SLC25A30: variants seen among roughly 807,000 people sequenced by gnomAD.
The protein encoded by SLC25A30 is kidney mitochondrial carrier protein 1.
In SLC25A30, 29 loss-of-function variants were observed where a neutral mutation model predicts 42.7. The observed-to-expected ratio is 0.68, with a 90% CI of 0.51 to 0.93. The LOEUF (loss-of-function observed/expected upper bound fraction) is 0.93, where lower values mean the gene tolerates loss of function less well. Among genes scored for constraint, SLC25A30 ranks in the 40% least tolerant of loss-of-function variants. SLC25A30 has a pLI of 0.00. For missense variants in SLC25A30, 300 were observed against 359.7 expected (o/e 0.83, Z 1.34); for synonymous variants, 124 against 131.0 (o/e 0.95, Z 0.37).
chr13:45,406,000 G>T, intron 3 of SLC25A30, 23 bp from the exon 4 acceptor site: 3 of 1,610,482 alleles, frequency 1.9e-6, no homozygotes, highest in Non-Finnish European at 2.5e-6. Context: ...TGTACAAAGG[G>T]ACAAAAGCAA....
chr13:45,427,307 C>T, the SLC25A30 span, among the ~76,000 whole-genome samples: 1 of 152,146 alleles, frequency 6.6e-6, no homozygotes. Context: ...TGCCTAAAGT[C>T]TGGATCCACC....
chr13:45,417,149 A>C (rs1453362018), intron 1 of SLC25A30, among the ~76,000 whole-genome samples: 1 of 152,052 alleles, frequency 6.6e-6, no homozygotes, highest in Non-Finnish European at 1.5e-5. Flanking sequence ...GAGTAGCTAG[A>C]ATTAGACATC....
upstream of SLC25A30, among the ~76,000 whole-genome samples, chr13:45,423,227 C>T (rs1883935416): frequency 6.6e-6 from 1 of 151,852 alleles, no homozygotes; most frequent in Admixed American, 6.6e-5. Context: ...TTGTCTGTCC[C>T]TTCCCATTGA....
the SLC25A30 span, among the ~76,000 whole-genome samples, chr13:45,424,475 ATATATG>A: frequency 2.5e-3 from 179 of 72,216 alleles, 16 homozygotes; most frequent in African/African-American, 9.4e-3. Flanking sequence ...AAATATATAA[ATATATG>A]TATATAAATA....
At chr13:45,419,700 C>T (rs1447547796), upstream of SLC25A30, among the ~76,000 whole-genome samples, 2 of 150,002 alleles carry the variant, frequency 1.3e-5, no homozygotes, top group Admixed American at 6.7e-5. Flanking sequence ...GAGGCCGAGA[C>T]GGGCAGATCA....
rs1566207490 is a variant in SLC25A30, at chr13:45,405,917, C to A, written c.273G>T (p.Gln91His). The change falls in exon 4 of 10, where the codon CAG (glutamine) becomes CAT (histidine). Residue 91 changes from glutamine to histidine, a missense_variant. By Grantham distance (24) the Gln-to-His change is conservative. Transcript: ENST00000519676. ...GTTCAATGAATAGTCGCTTCAAGCT[C>A]TGGTAAGTGCCTATCTTGATGGTGC... The part of the protein sequence containing the change: ...SYGTIKIGTY[Q>H]SLKRLFIERP... 5 of 1,614,086 alleles carry A rather than the reference C, an allele frequency of 3.1e-6. No homozygotes were observed. The highest frequency in any genetic ancestry group is 4.2e-6 in the Non-Finnish European group (5 of 1,180,050).
the SLC25A30 span, among the ~76,000 whole-genome samples, chr13:45,424,410 T>TATATAAACATATAAAA: frequency 1.7e-4 from 11 of 63,386 alleles, no homozygotes; most frequent in African/African-American, 7.2e-4. Context: ...TATATAAAAA[T>TATATAAACATATAAAA]ATATATAAAT....
At chr13:45,408,192 G>A (rs745433920) in intron 3 of SLC25A30, among the ~76,000 whole-genome samples, 1 of 152,156 alleles carries the variant, frequency 6.6e-6, no homozygotes, top group Non-Finnish European at 1.5e-5. Flanking sequence ...TATACTATGT[G>A]AGTGACAGAG....
At chr13:45,424,654 T>TATATAGAAATATATAG in the SLC25A30 span, among the ~76,000 whole-genome samples, 75 of 67,762 alleles carry the variant, frequency 1.1e-3, 7 homozygotes, top group African/African-American at 4.2e-3. Context: ...TAAATATATA[T>TATATAGAAATATATAG]AAATATATAG....
chr13:45,414,669 C>T (rs897722749), intron 1 of SLC25A30, among the ~76,000 whole-genome samples: 11 of 150,912 alleles, frequency 7.3e-5, no homozygotes, highest in Admixed American at 5.3e-4. Flanking sequence ...CACACACACA[C>T]ACGAAAACGG....
Position 45,414,635 on chromosome 13 carries a change from T to TACACACACACACACACACAC in SLC25A30, c.-55-3175_-55-3156dup, listed in dbSNP as rs145462442. Among the ~76,000 whole-genome samples the TACACACACACACACACACAC allele has an allele frequency of 5.0e-5, 7 of 140,004 alleles. No homozygotes were observed. In the South Asian group the frequency reaches 7.1e-4, roughly 14 times the overall value. 91.8% of individuals were successfully genotyped at this position (140,004 alleles called of 152,430 possible). On this transcript the variant is annotated intron_variant, in intron 1 of 9. Coordinates refer to ENST00000519676, the MANE Select transcript of SLC25A30 (RefSeq NM_001010875.4). The stretch of plus-strand genomic sequence containing the variant: ...TTTGTCTCAAACACACACACACACA[T>TACACACACACACACACACAC]ACACACACACACACACACACACACA...
At chr13:45,424,371 A>G in the SLC25A30 span, among the ~76,000 whole-genome samples, 5 of 73,914 alleles carry the variant, frequency 6.8e-5, no homozygotes, top group Non-Finnish European at 9.1e-5. Flanking sequence ...GAAAATATAT[A>G]TAAATATATA....
At chr13:45,423,841 A>C in the SLC25A30 span, among the ~76,000 whole-genome samples, 1 of 66,110 alleles carries the variant, frequency 1.5e-5, no homozygotes, top group East Asian at 3.7e-4. Flanking sequence ...TATATATATA[A>C]ATATGTAAAT....
intron 9 of SLC25A30, chr13:45,396,348 T>G: frequency 2.1e-4 from 196 of 917,078 alleles, no homozygotes; most frequent in East Asian, 8.4e-4. Flanking sequence ...GAGAGAGAGT[T>G]AGCAAGCCCT....
At chr13:45,404,608 CAGG>C (rs1426910659) in intron 4 of SLC25A30, among the ~76,000 whole-genome samples, 196 bp from the exon 5 acceptor site, 1 of 152,176 alleles carries the variant, frequency 6.6e-6, no homozygotes, top group African/African-American at 2.4e-5. Flanking sequence ...CACTTGAGGT[CAGG>C]AGTTTGAGAC....
At chr13:45,424,528 TATATATAA>T in the SLC25A30 span, among the ~76,000 whole-genome samples, 194 of 76,004 alleles carry the variant, frequency 2.6e-3, 18 homozygotes, top group East Asian at 0.034. Flanking sequence ...TATATAAAAA[TATATATAA>T]ATATATAAAT....
At chr13:45,429,675 A>T in the SLC25A30 span, among the ~76,000 whole-genome samples, 1 of 151,994 alleles carries the variant, frequency 6.6e-6, no homozygotes, top group African/African-American at 2.4e-5. Flanking sequence ...TACAAAAAAA[A>T]ATTTTTTTAA....
chr13:45,407,257 G>GT (rs982273247), intron 3 of SLC25A30, among the ~76,000 whole-genome samples: 1 of 152,136 alleles, frequency 6.6e-6, no homozygotes, highest in Non-Finnish European at 1.5e-5. Flanking sequence ...AAACTGGCCG[G>GT]TTGTCATAGC....
At chr13:45,424,405 A>T in the SLC25A30 span, among the ~76,000 whole-genome samples, 1 of 71,822 alleles carries the variant, frequency 1.4e-5, no homozygotes, top group Non-Finnish European at 2.4e-5. Context: ...ATAAATATAT[A>T]AAAATATATA....
Sources: allele counts gnomAD v4.1 joint callset (sites outside exome capture counted in the v4.1 genomes callset), GRCh38; gene constraint gnomAD v4.1.1; transcripts MANE v1.5; gene names NCBI Gene and HGNC (gene_info 2026-07-23, HGNC 2026-07-21).